Variants in ZNF506 observed in about 807,000 individuals in gnomAD.
ZNF506 encodes zinc finger protein 506.
In ZNF506, 10 loss-of-function variants were observed where a neutral mutation model predicts 11.6. The ratio of observed to expected loss-of-function variants is 0.86; its 90% CI spans 0.53 to 1.46. The LOEUF (loss-of-function observed/expected upper bound fraction) is 1.46, where lower values mean the gene tolerates loss of function less well. ZNF506 is among the 40% of genes most tolerant of loss of function. The pLI, the probability that ZNF506 is intolerant of heterozygous loss-of-function variation, is 0.00. For synonymous variants in ZNF506, 156 were observed against 173.3 expected (o/e 0.90, Z 0.78); for missense variants, 425 against 521.2 (o/e 0.82, Z 1.80).
At chr19:19,813,135 T>C (rs2062896177) in intron 1 of ZNF506, among the ~76,000 whole-genome samples, 1 of 152,208 alleles carries the variant, frequency 6.6e-6, no homozygotes, top group Admixed American at 6.5e-5. Flanking sequence ...ATCACCTGTC[T>C]TTATTTGTCC....
At position 19,806,133 on chromosome 19, in the gene ZNF506, T is replaced by C. The variant is rs2062834189; in HGVS notation, c.131-7A>G. ...GGTTTAGAGACAACAATACCTGTTT[T>C]ATTAAGAATAAATAATATGAATCTT... On this transcript the variant is annotated splice_region_variant and splice_polypyrimidine_tract_variant and intron_variant, in intron 2 of 3. Transcript: ENST00000540806. The C allele has an allele frequency of 2.5e-6, 4 of 1,586,516 alleles. No homozygotes were observed. Among genetic ancestry groups the C allele is most frequent in the Non-Finnish European group, 3.4e-6 (4 of 1,164,200 alleles).
chr19:19,802,979 G>C (rs987929820), intron 3 of ZNF506, among the ~76,000 whole-genome samples: 3 of 152,168 alleles, frequency 2.0e-5, no homozygotes, highest in Non-Finnish European at 4.4e-5. Flanking sequence ...AGACCAGTCT[G>C]CGTTATGTAG....
intron 1 of ZNF506, among the ~76,000 whole-genome samples, chr19:19,813,295 AT>A (rs1246714059): frequency 2.6e-5 from 4 of 152,238 alleles, no homozygotes; most frequent in Non-Finnish European, 5.9e-5. Context: ...TTAGATATAA[AT>A]ATCTAAGCAT....
At chr19:19,811,217 T>G (rs1389019757) in intron 1 of ZNF506, among the ~76,000 whole-genome samples, 6 of 152,216 alleles carry the variant, frequency 3.9e-5, no homozygotes, top group Non-Finnish European at 7.3e-5. Context: ...TGGAGTGCAC[T>G]GGTGCGATCT....
At chr19:19,809,826 T>C (rs1599522805) in intron 1 of ZNF506, among the ~76,000 whole-genome samples, 1 of 152,082 alleles carries the variant, frequency 6.6e-6, no homozygotes, top group African/African-American at 2.4e-5. Context: ...AGTGCAAAGG[T>C]GGAACTTAAC....
rs2062705859 is a variant in ZNF506 at position 19,792,929 on chromosome 19, T to C, written c.*1623A>G. ...ACAAAGAGCCTCTCCACTTACATTTTTATCATGCATCTTACATTTTAATGT... is the reference window on the plus strand; with the variant it reads ...ACAAAGAGCCTCTCCACTTACATTTCTATCATGCATCTTACATTTTAATGT... On this transcript the variant is annotated 3_prime_UTR_variant, in exon 4 of 4. Transcript: ENST00000540806. Among the ~76,000 whole-genome samples the C allele has an allele frequency of 6.6e-6, 1 of 152,186 alleles. No homozygotes were observed. The highest frequency in any genetic ancestry group is 6.5e-5 in the Admixed American group (1 of 15,272).
At chr19:19,797,613 A>G (rs572912861) in intron 3 of ZNF506, 6 of 152,226 alleles carry the variant, frequency 3.9e-5, no homozygotes, top group African/African-American at 1.4e-4. Flanking sequence ...TCTTAAAAGA[A>G]AAAATTGTGT....
intron 3 of ZNF506, among the ~76,000 whole-genome samples, chr19:19,804,110 CT>C (rs2062816317): frequency 6.6e-6 from 1 of 152,104 alleles, no homozygotes; most frequent in Non-Finnish European, 1.5e-5. Flanking sequence ...TAAAGAGCTT[CT>C]GCACAGCAAA....
intron 3 of ZNF506, chr19:19,798,601 G>GCCAA (rs1225779779): frequency 7.8e-6 from 1 of 127,702 alleles, no homozygotes; most frequent in African/African-American, 3.1e-5. Context: ...CTTACAGTGA[G>GCCAA]CCAAGATCGC....
chr19:19,820,992 T>G (rs964033669), intron 1 of ZNF506, among the ~76,000 whole-genome samples: 1 of 150,014 alleles, frequency 6.7e-6, no homozygotes, highest in Non-Finnish European at 1.5e-5. Context: ...CTCCGCCTAC[T>G]GGGTTCAACA....
At chr19:19,821,106 G>A (rs1342938738) in intron 1 of ZNF506, among the ~76,000 whole-genome samples, 1 of 152,098 alleles carries the variant, frequency 6.6e-6, no homozygotes, top group Non-Finnish European at 1.5e-5. Flanking sequence ...CCCCATTTTG[G>A]CCAGGCTTGT....
chr19:19,821,628 C>A lies in ZNF506; in HGVS notation c.-25G>T, dbSNP rs1345046583. ...TTTCTAGGCTTCCAGGGGGTCCCGGCGTCCTAGCTGTGACCCTCCTAATAC... is the reference window on the plus strand; with the variant it reads ...TTTCTAGGCTTCCAGGGGGTCCCGGAGTCCTAGCTGTGACCCTCCTAATAC... On this transcript the variant is annotated 5_prime_UTR_variant, in exon 1 of 4. Coordinates refer to ENST00000540806, the MANE Select transcript of ZNF506 (RefSeq NM_001099269.3). The A allele has an allele frequency of 6.2e-7, 1 of 1,613,838 alleles. No individual in the cohort carries two copies. The highest frequency in any genetic ancestry group is 1.1e-5 in the South Asian group (1 of 91,070).
At chr19:19,795,915 T>C (rs2062736555) in intron 3 of ZNF506, 3 of 431,710 alleles carry the variant, frequency 6.9e-6, no homozygotes, top group Non-Finnish European at 1.3e-5. Context: ...CATAGAAAAA[T>C]AGAAAAAAAG....
intron 3 of ZNF506, among the ~76,000 whole-genome samples, chr19:19,801,504 A>AG (rs2062792508): frequency 6.6e-6 from 1 of 151,710 alleles, no homozygotes; most frequent in South Asian, 2.1e-4. Flanking sequence ...CAAAAAAAAA[A>AG]AAAGACGGGC....
At chr19:19,796,698 C>G (rs939193408) in intron 3 of ZNF506, 1 of 152,100 alleles carries the variant, frequency 6.6e-6, no homozygotes, top group Non-Finnish European at 1.5e-5. Context: ...CCACCGTGCC[C>G]GGCCTCTAGG....
intron 1 of ZNF506, among the ~76,000 whole-genome samples, chr19:19,808,493 C>T (rs953248572): frequency 6.6e-6 from 1 of 151,686 alleles, no homozygotes; most frequent in Non-Finnish European, 1.5e-5. Context: ...AACACAGCAT[C>T]ACTGTTGAAA....
chr19:19,806,176 A>G, intron 2 of ZNF506, 50 bp from the exon 3 acceptor site: 1 of 1,341,856 alleles, frequency 7.5e-7, no homozygotes. Flanking sequence ...TTCTCCAATT[A>G]CAAGCTAGTA....
chr19:19,800,391 A>AATATATATATATATATTT (rs1460340025), intron 3 of ZNF506, among the ~76,000 whole-genome samples: 6 of 139,238 alleles, frequency 4.3e-5, no homozygotes, highest in South Asian at 4.5e-4. Flanking sequence ...AACTAAACAG[A>AATATATATATATATATTT]ATATATATAT....
chr19:19,815,177 G>A (rs1022538445), intron 1 of ZNF506, among the ~76,000 whole-genome samples: 1 of 152,084 alleles, frequency 6.6e-6, no homozygotes, highest in Non-Finnish European at 1.5e-5. Flanking sequence ...GGAGAATGGC[G>A]TGAACCCGGG....
Sources: gnomAD v4.1 joint callset for allele counts (sites outside exome capture counted in the v4.1 genomes callset) on GRCh38, gnomAD v4.1.1 for gene constraint, MANE v1.5 for transcripts, NCBI Gene and HGNC (gene_info 2026-07-23, HGNC 2026-07-21) for gene names.